Variants in TNS3 observed in about 807,000 individuals in gnomAD.
TNS3 encodes tensin 3.
Under a neutral mutation model 140.9 loss-of-function variants are expected in TNS3, and 45 were observed. The ratio of observed to expected loss-of-function variants is 0.32; its 90% confidence interval spans 0.25 to 0.41. TNS3 has a LOEUF of 0.41. Among genes scored for constraint, TNS3 ranks in the 10% least tolerant of loss-of-function variants. The pLI is 1.00. For missense variants in TNS3, 1,716 were observed against 1,906.7 expected, an observed-to-expected ratio of 0.90 and a Z score of 1.86; for synonymous variants, 815 against 788.4, an observed-to-expected ratio of 1.03 and a Z score of -0.56.
chr7:47,344,277 G>T (rs1789190159), intron 20 of TNS3, among the ~76,000 whole-genome samples: 1 of 152,158 alleles, frequency 6.6e-6, no homozygotes, highest in Non-Finnish European at 1.5e-5. Context: ...ATCAGGCCAT[G>T]GACAGAGCCC....
intron 1 of TNS3, among the ~76,000 whole-genome samples, chr7:47,555,731 T>G (rs1800178199): frequency 6.6e-6 from 1 of 152,276 alleles, no homozygotes; most frequent in South Asian, 2.1e-4. Flanking sequence ...TTACCATTCT[T>G]TAGCAATAAC....
At chr7:47,464,151 T>G (rs767563360) in intron 4 of TNS3, among the ~76,000 whole-genome samples, 4 of 152,200 alleles carry the variant, frequency 2.6e-5, no homozygotes, top group Non-Finnish European at 5.9e-5. Flanking sequence ...AGGCTGCAGA[T>G]GCCTTCTTCT....
Position 47,437,953 on chromosome 7 carries a change from G to A in TNS3, c.151-640C>T, listed in dbSNP as rs184022241. On this transcript the variant is annotated intron_variant, in intron 6 of 30. Coordinates refer to ENST00000311160, the MANE Select transcript of TNS3 (RefSeq NM_022748.12). Reference sequence around the variant, plus strand: ...CAGGCCTGGAAAGGGCTGAGTTCATGCCCGGCCAAAAGCCATGGCCTAAGT... The same window carrying A: ...CAGGCCTGGAAAGGGCTGAGTTCATACCCGGCCAAAAGCCATGGCCTAAGT... Among the ~76,000 whole-genome samples the A allele has an allele frequency of 7.2e-4, 109 of 151,212 alleles. 1 individual carries two copies. In the Middle Eastern group the frequency reaches 0.014, roughly 19 times the overall value.
chr7:47,414,499 G>A (rs911079313), intron 11 of TNS3, among the ~76,000 whole-genome samples: 11 of 152,294 alleles, frequency 7.2e-5, no homozygotes, highest in African/African-American at 2.2e-4. Flanking sequence ...AAGGGAGGAG[G>A]GATAGGGCCC....
rs529534072 is a variant in TNS3, at chr7:47,516,189, C to A, written c.-152-9245G>T. On this transcript the variant is annotated intron_variant, in intron 2 of 30. Coordinates refer to ENST00000311160, the MANE Select transcript of TNS3 (RefSeq NM_022748.12). ...TGAAATTGTCTATTTGGGGAGTGGT[C>A]TCTATATAGTCTATTGAGAAAGAGA... Among the ~76,000 whole-genome samples the A allele has an allele frequency of 2.6e-5, 4 of 152,320 alleles. No homozygotes were observed. The South Asian group carries it at 8.3e-4, about 32-fold the overall frequency.
intron 2 of TNS3, among the ~76,000 whole-genome samples, chr7:47,526,202 C>G (rs1476941012): frequency 1.3e-5 from 2 of 152,318 alleles, no homozygotes; most frequent in East Asian, 3.9e-4. Context: ...GATGACTCTT[C>G]AGTAAACTCA....
Position 47,469,748 on chromosome 7 carries a change from C to A in TNS3, c.-76+11355G>T, listed in dbSNP as rs576614142. On this transcript the variant is annotated intron_variant, in intron 4 of 30. Coordinates refer to ENST00000311160, the MANE Select transcript of TNS3 (RefSeq NM_022748.12). ...CAGCACTCTGAAAGGCCAGGGCGGG[C>A]GGATCACCTGAGGTCAGGAGTTCGA... Among the ~76,000 whole-genome samples the A allele has an allele frequency of 5.3e-5, 8 of 152,140 alleles. No homozygotes were observed. In the South Asian group the frequency reaches 1.7e-3, roughly 32 times the overall value.
At chr7:47,297,261 G>C in intron 23 of TNS3, 48 bp from the exon 24 acceptor site, 1 of 1,567,174 alleles carries the variant, frequency 6.4e-7, no homozygotes, top group South Asian at 1.2e-5. Flanking sequence ...GGTGGACAAA[G>C]GTCTATGCCC....
chr7:47,511,054 T>C (rs569033831), intron 2 of TNS3, among the ~76,000 whole-genome samples: 17 of 152,344 alleles, frequency 1.1e-4, no homozygotes, highest in African/African-American at 3.8e-4. Context: ...GTGCGTGGTG[T>C]TCCACACCGG....
At chr7:47,428,244 C>T (rs1794758047) in intron 9 of TNS3, 68 bp downstream of exon 9, 1 of 1,176,994 alleles carries the variant, frequency 8.5e-7, no homozygotes, top group Non-Finnish European at 1.1e-6. Context: ...CCCGCGCAGA[C>T]AGCCTTCAGC....
intron 2 of TNS3, among the ~76,000 whole-genome samples, chr7:47,513,717 A>G (rs2151900817): frequency 6.6e-6 from 1 of 152,380 alleles, no homozygotes; most frequent in Non-Finnish European, 1.5e-5. Flanking sequence ...AGGCTCCACC[A>G]AAAGCGTTTT....
At chr7:47,350,614 T>C (rs1789610677) in intron 17 of TNS3, among the ~76,000 whole-genome samples, 1 of 152,204 alleles carries the variant, frequency 6.6e-6, no homozygotes, top group South Asian at 2.1e-4. Flanking sequence ...TCACCAGCAG[T>C]AGATGCTCAC....
At chr7:47,424,978 G>A (rs1021742765) in intron 9 of TNS3, among the ~76,000 whole-genome samples, 9 of 152,188 alleles carry the variant, frequency 5.9e-5, no homozygotes, top group African/African-American at 1.7e-4. Context: ...TGGAATATGA[G>A]TGCAGTGTCT....
At position 47,346,199 on chromosome 7, in the gene TNS3, C is replaced by T. The variant is rs943442120; in HGVS notation, c.2439G>A (p.Ala813=). The T allele has an allele frequency of 3.1e-6, 5 of 1,613,976 alleles. No homozygotes were observed. The highest frequency in any genetic ancestry group is 1.7e-5 in the Admixed American group (1 of 60,008). ...CTGTGGCACATACCTCTTTGACGTCCGCTGGTGAGGGGAATGGCGGCAGGT... is the reference window on the plus strand; with the variant it reads ...CTGTGGCACATACCTCTTTGACGTCTGCTGGTGAGGGGAATGGCGGCAGGT... ...APNLPPFPSP[A]DVKETMTPGY... is the part of the protein sequence containing the mutation. Residue 813 remains alanine, a synonymous_variant, in exon 18 of 31, where the codon GCG becomes GCA. Coordinates refer to ENST00000311160, the MANE Select transcript of TNS3 (RefSeq NM_022748.12).
intron 20 of TNS3, among the ~76,000 whole-genome samples, chr7:47,308,007 T>C (rs1213214596): frequency 6.6e-6 from 1 of 152,228 alleles, no homozygotes; most frequent in Non-Finnish European, 1.5e-5. Context: ...GTATCTAAAA[T>C]AGTATCTGCC....
chr7:47,497,662 AACACACACACAC>A (rs6150097), intron 3 of TNS3, among the ~76,000 whole-genome samples: 1 of 91,140 alleles, frequency 1.1e-5, no homozygotes, highest in Non-Finnish European at 2.5e-5. Context: ...TCACGTATGG[AACACACACACAC>A]ACACACACAC....
At chr7:47,406,084 C>T (rs534062672) in intron 13 of TNS3, among the ~76,000 whole-genome samples, 51 of 152,184 alleles carry the variant, frequency 3.4e-4, no homozygotes, top group Non-Finnish European at 6.2e-4. Context: ...GGTTACATAA[C>T]GCCTCGGCTG....
intron 4 of TNS3, among the ~76,000 whole-genome samples, chr7:47,461,867 G>C (rs1040041406): frequency 6.6e-6 from 1 of 152,234 alleles, no homozygotes; most frequent in African/African-American, 2.4e-5. Context: ...AGCTGGGGCA[G>C]AGTCCAGAGG....
chr7:47,497,597 T>C (rs747599183), intron 3 of TNS3, among the ~76,000 whole-genome samples: 25 of 151,752 alleles, frequency 1.6e-4, no homozygotes, highest in Non-Finnish European at 3.5e-4. Context: ...TTTGTACTTC[T>C]GTTCTCCCAA....
Sources: gnomAD v4.1 joint callset for allele counts (sites outside exome capture counted in the v4.1 genomes callset) on GRCh38, gnomAD v4.1.1 for gene constraint, MANE v1.5 for transcripts, NCBI Gene and HGNC (gene_info 2026-07-23, HGNC 2026-07-21) for gene names.